MARCHF1: variants seen among roughly 807,000 people sequenced by gnomAD.
The protein encoded by MARCHF1 is membrane associated ring-CH-type finger 1.
MARCHF1 carries 40 observed loss-of-function variants against 54.2 expected under a neutral mutation model. The ratio of observed to expected loss-of-function variants is 0.74; its 90% confidence interval spans 0.57 to 0.96. The LOEUF (loss-of-function observed/expected upper bound fraction) is 0.96, where lower values mean the gene tolerates loss of function less well. Among genes scored for constraint, MARCHF1 ranks in the 40% least tolerant of loss-of-function variants. MARCHF1 has a pLI of 0.00. For synonymous variants in MARCHF1, 236 were observed against 236.3 expected (o/e 1.00, Z 0.01); for missense variants, 586 against 656.5 (o/e 0.89, Z 1.17).
At chr4:164,347,410 G>T (rs1730140022) in intron 1 of MARCHF1, among the ~76,000 whole-genome samples, 1 of 152,098 alleles carries the variant, frequency 6.6e-6, no homozygotes, top group South Asian at 2.1e-4. Flanking sequence ...TTAGGTAAAG[G>T]GGCCAGGTGT....
At chr4:164,364,744 T>G (rs1038327810) in intron 1 of MARCHF1, among the ~76,000 whole-genome samples, 1 of 151,950 alleles carries the variant, frequency 6.6e-6, no homozygotes, top group African/African-American at 2.4e-5. Context: ...AATCCTTTTA[T>G]TCACCATTTG....
chr4:163,854,729 CA>C (rs1352509985), intron 3 of MARCHF1, among the ~76,000 whole-genome samples: 44 of 152,224 alleles, frequency 2.9e-4, no homozygotes, highest in Admixed American at 2.5e-3. Flanking sequence ...CATCTATCAC[CA>C]GTACAATCTA....
intron 1 of MARCHF1, among the ~76,000 whole-genome samples, chr4:164,158,576 G>T (rs1321622783): frequency 2.0e-5 from 3 of 152,182 alleles, no homozygotes; most frequent in Non-Finnish European, 2.9e-5. Context: ...GGGAGGCAGA[G>T]GTTGCAGTGA....
At chr4:164,102,938 A>G (rs2111162604) in intron 2 of MARCHF1, among the ~76,000 whole-genome samples, 1 of 124,596 alleles carries the variant, frequency 8.0e-6, no homozygotes, top group Non-Finnish European at 1.7e-5. Flanking sequence ...AGCCAATGGA[A>G]AACAAAAAAA....
intron 1 of MARCHF1, among the ~76,000 whole-genome samples, chr4:164,239,885 ATTC>A (rs376924329): frequency 4.4e-4 from 67 of 152,320 alleles, no homozygotes; most frequent in African/African-American, 1.5e-3. Context: ...GCAAGAAACC[ATTC>A]TTAATACTAT....
At chr4:163,972,431 T>C (rs1037406846) in intron 3 of MARCHF1, among the ~76,000 whole-genome samples, 17 of 152,352 alleles carry the variant, frequency 1.1e-4, no homozygotes, top group Admixed American at 6.5e-4. Context: ...TTTTACAGTT[T>C]GTATTAGAAA....
intron 2 of MARCHF1, among the ~76,000 whole-genome samples, chr4:164,101,044 G>T (rs566886675): frequency 1.3e-5 from 2 of 152,218 alleles, no homozygotes; most frequent in African/African-American, 4.8e-5. Context: ...CGAATACTGC[G>T]CTTTTCCAAT....
At chr4:164,246,496 C>A (rs1321459766) in intron 1 of MARCHF1, among the ~76,000 whole-genome samples, 1 of 49,998 alleles carries the variant, frequency 2.0e-5, no homozygotes, top group South Asian at 9.2e-4. Context: ...ACCATAAAAA[C>A]CCTAGAAGAA....
intron 2 of MARCHF1, among the ~76,000 whole-genome samples, chr4:164,067,324 T>C (rs1754751675): frequency 6.6e-6 from 1 of 152,136 alleles, no homozygotes; most frequent in Non-Finnish European, 1.5e-5. Context: ...ACTACCTGAC[T>C]TTAAACTATA....
At chr4:163,892,988 CA>C (rs1165590111) in intron 3 of MARCHF1, among the ~76,000 whole-genome samples, 2 of 151,378 alleles carry the variant, frequency 1.3e-5, no homozygotes, top group South Asian at 4.2e-4. Context: ...AGCATTATAG[CA>C]AAACGACCCT....
intron 2 of MARCHF1, among the ~76,000 whole-genome samples, chr4:164,006,110 G>A (rs930691123): frequency 1.3e-5 from 2 of 151,242 alleles, no homozygotes; most frequent in African/African-American, 4.9e-5. Context: ...CTCAACAAAA[G>A]GATAAGCAAA....
In MARCHF1 at chr4:163,546,685, T is replaced by G. The variant is rs1738919475; in HGVS notation, c.1192-942A>C. ...AAGCCTCTTTTAGAGCAACCTTTAG[T>G]TGCTGCTACCGTAAGGGTTGTAACT... On this transcript the variant is annotated intron_variant, in intron 8 of 9. Coordinates refer to ENST00000514618, the MANE Select transcript of MARCHF1 (RefSeq NM_001394959.1). Among the ~76,000 whole-genome samples the G allele has an allele frequency of 3.9e-5, 6 of 152,312 alleles. No individual in the cohort carries two copies. The South Asian group carries it at 1.2e-3, about 32-fold the overall frequency.
At chr4:164,219,698 T>C (rs2111144570) in intron 1 of MARCHF1, among the ~76,000 whole-genome samples, 1 of 152,148 alleles carries the variant, frequency 6.6e-6, no homozygotes, top group African/African-American at 2.4e-5. Context: ...AAAAAGTCCA[T>C]TCCTCTATAC....
At chr4:164,316,266 ACTT>A (rs1235188022) in intron 1 of MARCHF1, among the ~76,000 whole-genome samples, 1 of 152,162 alleles carries the variant, frequency 6.6e-6, no homozygotes, top group Non-Finnish European at 1.5e-5. Context: ...AGTAGCAATG[ACTT>A]CTTTGTTTTG....
chr4:164,341,628 T>A (rs994715345), intron 1 of MARCHF1, among the ~76,000 whole-genome samples: 2 of 152,126 alleles, frequency 1.3e-5, no homozygotes, highest in African/African-American at 4.8e-5. Context: ...TGGCATCAGG[T>A]TGCTGTGTCA....
At chr4:163,842,675 G>A (rs941715192) in intron 4 of MARCHF1, among the ~76,000 whole-genome samples, 3 of 152,156 alleles carry the variant, frequency 2.0e-5, no homozygotes, top group South Asian at 4.1e-4. Context: ...ATGGCACGTA[G>A]TATGTATTCA....
intron 2 of MARCHF1, among the ~76,000 whole-genome samples, chr4:164,021,956 C>T (rs999729028): frequency 6.6e-6 from 1 of 151,638 alleles, no homozygotes; most frequent in Non-Finnish European, 1.5e-5. Flanking sequence ...CTATGGAAAT[C>T]CAAATGTTCA....
At chr4:164,262,409 G>C (rs1733493362) in intron 1 of MARCHF1, among the ~76,000 whole-genome samples, 1 of 152,078 alleles carries the variant, frequency 6.6e-6, no homozygotes, top group Admixed American at 6.6e-5. Flanking sequence ...GTAGAGATGA[G>C]GTCATTGATA....
At chr4:164,284,012 G>T (rs1734085421) in intron 1 of MARCHF1, among the ~76,000 whole-genome samples, 2 of 150,844 alleles carry the variant, frequency 1.3e-5, no homozygotes, top group African/African-American at 4.9e-5. Context: ...AAAGACAACT[G>T]TATTTAACAA....
Sources: allele counts gnomAD v4.1 joint callset (sites outside exome capture counted in the v4.1 genomes callset), GRCh38; gene constraint gnomAD v4.1.1; transcripts MANE v1.5; gene names NCBI Gene and HGNC (gene_info 2026-07-23, HGNC 2026-07-21).